Variants in KDM2B observed in about 807,000 individuals in gnomAD.
KDM2B encodes the protein lysine demethylase 2B.
In KDM2B, 26 loss-of-function variants were observed where a neutral mutation model predicts 150.0. That is an observed-to-expected ratio of 0.17 (90% CI 0.13 to 0.24). The LOEUF is 0.24. Ranked by LOEUF, KDM2B falls within the 10% of genes least tolerant of loss-of-function variation. KDM2B has a pLI of 1.00. For synonymous variants in KDM2B, 734 were observed against 729.5 expected (o/e 1.01, Z -0.10); for missense variants, 1,265 against 1,816.9 (o/e 0.70, Z 5.52).
chr12:121,517,734 G>A (rs1886345769), intron 9 of KDM2B, among the ~76,000 whole-genome samples: 1 of 151,670 alleles, frequency 6.6e-6, no homozygotes, highest in African/African-American at 2.4e-5. Flanking sequence ...GCCTCCCAAA[G>A]TGCTGGGATT....
chr12:121,540,550 A>G (rs1594085545), intron 6 of KDM2B, among the ~76,000 whole-genome samples: 1 of 151,722 alleles, frequency 6.6e-6, no homozygotes, highest in Non-Finnish European at 1.5e-5. Context: ...GGAGTTCAAG[A>G]CCAGCCTGGC....
intron 6 of KDM2B, among the ~76,000 whole-genome samples, chr12:121,545,046 G>A (rs1406066019): frequency 6.6e-6 from 1 of 152,180 alleles, no homozygotes; most frequent in Non-Finnish European, 1.5e-5. Flanking sequence ...CAGGTGTGCT[G>A]ACAGCCATCT....
intron 4 of KDM2B, among the ~76,000 whole-genome samples, chr12:121,572,108 G>A (rs568090561): frequency 1.3e-5 from 2 of 152,246 alleles, no homozygotes; most frequent in South Asian, 4.1e-4. Context: ...TAAGGTGGGC[G>A]GATCGCTTAG....
chr12:121,534,994 C>A (rs1174152663), intron 6 of KDM2B, among the ~76,000 whole-genome samples: 1 of 152,094 alleles, frequency 6.6e-6, no homozygotes, highest in African/African-American at 2.4e-5. Context: ...AAGCTGCCAG[C>A]CCCCTTTGTA....
chr12:121,506,803 G>A (rs1555303009), intron 11 of KDM2B, among the ~76,000 whole-genome samples: 2 of 152,166 alleles, frequency 1.3e-5, no homozygotes, highest in African/African-American at 4.8e-5. Flanking sequence ...GGGTGTGGTG[G>A]CGCATGCCTG....
At chr12:121,526,505 C>T (rs1417459337) in intron 8 of KDM2B, among the ~76,000 whole-genome samples, 2 of 152,266 alleles carry the variant, frequency 1.3e-5, no homozygotes, top group African/African-American at 4.8e-5. Context: ...AAAGTAGGCA[C>T]ACCTGGGTTC....
intron 22 of KDM2B, among the ~76,000 whole-genome samples, chr12:121,435,049 AAAG>A (rs1555286453): frequency 6.6e-6 from 1 of 151,464 alleles, no homozygotes; most frequent in African/African-American, 2.4e-5. Flanking sequence ...AAAAAAAAAA[AAAG>A]GCCAGGTGCA....
intron 4 of KDM2B, among the ~76,000 whole-genome samples, chr12:121,555,833 T>G (rs1354352363): frequency 6.6e-6 from 1 of 152,190 alleles, no homozygotes; most frequent in African/African-American, 2.4e-5. Context: ...GGTGGATCCT[T>G]CACGAATGCC....
chr12:121,459,657 C>T (rs1327626814), intron 12 of KDM2B, among the ~76,000 whole-genome samples: 1 of 152,086 alleles, frequency 6.6e-6, no homozygotes, highest in East Asian at 1.9e-4. Flanking sequence ...ATGGAGAAAC[C>T]CCATCTCTAC....
chr12:121,551,810 C>T (rs929974531), intron 4 of KDM2B, among the ~76,000 whole-genome samples: 8 of 152,140 alleles, frequency 5.3e-5, no homozygotes, highest in Non-Finnish European at 8.8e-5. Flanking sequence ...GCCTCAGCCT[C>T]CCAAAGTGCT....
intron 12 of KDM2B, among the ~76,000 whole-genome samples, chr12:121,480,938 T>G (rs1267108837): frequency 6.6e-6 from 1 of 151,188 alleles, no homozygotes; most frequent in Admixed American, 6.6e-5. Flanking sequence ...TGTTGTTTTT[T>G]TTTTTTTGAG....
At chr12:121,531,752 T>C (rs1887675896) in intron 8 of KDM2B, among the ~76,000 whole-genome samples, 1 of 152,054 alleles carries the variant, frequency 6.6e-6, no homozygotes, top group South Asian at 2.1e-4. Context: ...ACACCCCACT[T>C]CAGGTTGATT....
intron 11 of KDM2B, among the ~76,000 whole-genome samples, chr12:121,500,169 G>A (rs1289625078): frequency 6.6e-6 from 1 of 152,040 alleles, no homozygotes; most frequent in African/African-American, 2.4e-5. Flanking sequence ...TTTCATCTCT[G>A]AGAAATAGGT....
Position 121,549,433 on chromosome 12 carries a change from G to A in KDM2B, c.576+27C>T. 6.4e-7 allele frequency: 1 copy of A among 1,558,436 alleles called. No individual in the cohort carries two copies. The highest frequency in any genetic ancestry group is 1.8e-5 in the Admixed American group (1 of 55,538). On this transcript the variant is annotated intron_variant, in intron 5 of 22. Transcript: ENST00000377071. The surrounding 1 kb of genome is among the most constrained non-coding windows in gnomAD (Gnocchi z 4.4). ...AAGGAGATGAGGTGGAAGGTATCTG[G>A]GGAGGGTACCTGGGCCCCGGACCTA...
At chr12:121,457,506 C>T (rs1878448777) in intron 12 of KDM2B, among the ~76,000 whole-genome samples, 1 of 151,990 alleles carries the variant, frequency 6.6e-6, no homozygotes, top group Admixed American at 6.6e-5. Context: ...AAGTGATTTG[C>T]CCGCCTCAGC....
intron 2 of KDM2B, among the ~76,000 whole-genome samples, chr12:121,578,518 C>A (rs1891682412): frequency 6.6e-6 from 1 of 152,106 alleles, no homozygotes; most frequent in East Asian, 1.9e-4. Flanking sequence ...CTCGGTCCGC[C>A]TGTCCATCTC....
intron 12 of KDM2B, among the ~76,000 whole-genome samples, chr12:121,474,564 T>C (rs963563505): frequency 6.6e-6 from 1 of 152,192 alleles, no homozygotes; most frequent in South Asian, 2.1e-4. Context: ...ACAAAAAGCA[T>C]ATACAGTCAT....
downstream of KDM2B, among the ~76,000 whole-genome samples, chr12:121,426,825 T>C (rs964421949): frequency 2.0e-5 from 3 of 152,030 alleles, no homozygotes; most frequent in Non-Finnish European, 4.4e-5. Flanking sequence ...GGTTTTACCA[T>C]GTTGGCCAGG....
At position 121,463,315 on chromosome 12, in the gene KDM2B, C is replaced by CA. The variant is rs201614427; in HGVS notation, c.1735-9972dup. On this transcript the variant is annotated intron_variant, in intron 12 of 22. Coordinates refer to ENST00000377071, the MANE Select transcript of KDM2B (RefSeq NM_032590.5). ...TGGACAACAGAGCGAGACTCCGTCT[C>CA]AAAAAAAAAAAAAGCACTAAGACAA... Among the ~76,000 whole-genome samples, 626 of 125,328 alleles carry CA rather than the reference C, an allele frequency of 5.0e-3. 2 individuals are homozygous for CA. The highest frequency in any genetic ancestry group is 0.012 in the East Asian group (50 of 4,276). The allele number at this position is 125,328 out of a possible 152,430, so 82.2% of individuals were successfully genotyped here.
Sources: gnomAD v4.1 joint callset for allele counts (sites outside exome capture counted in the v4.1 genomes callset) on GRCh38, gnomAD v4.1.1 for gene constraint, Gnocchi (gnomAD v3.1) non-coding constraint, MANE v1.5 for transcripts, NCBI Gene and HGNC (gene_info 2026-07-23, HGNC 2026-07-21) for gene names.